The following ADGRL2 variants were observed in gnomAD, a reference collection of about 807,000 sequenced individuals.
ADGRL2 encodes the protein adhesion G protein-coupled receptor L2.
A neutral mutation model predicts 157.4 loss-of-function variants in ADGRL2; 44 were observed. That is an observed-to-expected ratio of 0.28 (90% CI 0.22 to 0.36). ADGRL2 has a LOEUF of 0.36. ADGRL2 is among the 10% of genes least tolerant of loss of function. ADGRL2 has a pLI of 1.00. For synonymous variants in ADGRL2, 585 were observed against 624.7 expected (o/e 0.94, Z 0.95); for missense variants, 1,510 against 1,768.9 (o/e 0.85, Z 2.63).
At chr1:81,608,920 C>A (rs1162997690) in intron 3 of ADGRL2, among the ~76,000 whole-genome samples, 2 of 152,116 alleles carry the variant, frequency 1.3e-5, no homozygotes, top group Admixed American at 6.5e-5. Flanking sequence ...ATCTCAGGCT[C>A]TGGTCAAGAC....
chr1:81,648,392 C>T (rs918704076), intron 3 of ADGRL2, among the ~76,000 whole-genome samples: 40 of 152,334 alleles, frequency 2.6e-4, no homozygotes, highest in Middle Eastern at 3.4e-3. Flanking sequence ...GGTGTGCTGC[C>T]TTCTGCTACC....
At chr1:81,827,184 T>C (rs776002005) in intron 1 of ADGRL2, among the ~76,000 whole-genome samples, 40 of 152,322 alleles carry the variant, frequency 2.6e-4, no homozygotes, top group Non-Finnish European at 1.0e-4. Context: ...ATGTTGGCCT[T>C]GTGGAACTTT....
At chr1:81,786,491 A>C (rs1158929420) in intron 2 of ADGRL2, among the ~76,000 whole-genome samples, 2 of 151,814 alleles carry the variant, frequency 1.3e-5, no homozygotes. Context: ...CATGAAAATC[A>C]CTTGAACCTG....
At chr1:81,511,565 C>G (rs900611115) in intron 2 of ADGRL2, among the ~76,000 whole-genome samples, 1 of 151,988 alleles carries the variant, frequency 6.6e-6, no homozygotes, top group Non-Finnish European at 1.5e-5. Context: ...TAACTTGCAC[C>G]TTTATTTTCT....
intron 2 of ADGRL2, among the ~76,000 whole-genome samples, chr1:81,782,408 A>T (rs1002682480): frequency 1.3e-5 from 2 of 152,212 alleles, no homozygotes; most frequent in Non-Finnish European, 2.9e-5. Flanking sequence ...CTAATGCCAG[A>T]ATTCATTTTT....
At chr1:81,961,267 G>A (rs1655275213) in intron 11 of ADGRL2, among the ~76,000 whole-genome samples, 1 of 152,056 alleles carries the variant, frequency 6.6e-6, no homozygotes, top group Non-Finnish European at 1.5e-5. Context: ...ACTCAGCTGA[G>A]CCACATATTG....
intron 1 of ADGRL2, among the ~76,000 whole-genome samples, chr1:81,406,556 TC>T (rs1397612493): frequency 2.0e-5 from 3 of 152,186 alleles, no homozygotes; most frequent in Non-Finnish European, 2.9e-5. Context: ...AACGCAGCCA[TC>T]CATCCAGCCT....
intron 3 of ADGRL2, among the ~76,000 whole-genome samples, chr1:81,590,800 T>A (rs991007845): frequency 1.3e-5 from 2 of 152,248 alleles, no homozygotes; most frequent in South Asian, 4.1e-4. Flanking sequence ...GACCCATTAC[T>A]TTTTCCAAGC....
intron 3 of ADGRL2, among the ~76,000 whole-genome samples, chr1:81,920,210 C>T (rs1187090948): frequency 6.6e-6 from 1 of 152,098 alleles, no homozygotes; most frequent in Non-Finnish European, 1.5e-5. Context: ...TTAAGGTTCA[C>T]TGCTCTATAG....
chr1:81,595,418 A>G (rs1570595534), intron 3 of ADGRL2, among the ~76,000 whole-genome samples: 1 of 152,194 alleles, frequency 6.6e-6, no homozygotes, highest in African/African-American at 2.4e-5. Context: ...TTTGCAGGAC[A>G]TAAGTTGTGA....
intron 3 of ADGRL2, among the ~76,000 whole-genome samples, chr1:81,641,281 G>A (rs2082214476): frequency 6.6e-6 from 1 of 152,088 alleles, no homozygotes; most frequent in Admixed American, 6.6e-5. Flanking sequence ...AATCAGTAGG[G>A]GTTTTCAGGA....
chr1:81,749,059 T>G (rs1275424846), intron 1 of ADGRL2, among the ~76,000 whole-genome samples: 1 of 152,196 alleles, frequency 6.6e-6, no homozygotes, highest in African/African-American at 2.4e-5. Flanking sequence ...AAAAATAGAT[T>G]TTAAAATTAT....
chr1:81,358,893 G>T (rs2075920342), intron 1 of ADGRL2, among the ~76,000 whole-genome samples: 1 of 152,036 alleles, frequency 6.6e-6, no homozygotes. Flanking sequence ...CTACTCCGTA[G>T]GATGAAGGAA....
intron 2 of ADGRL2, among the ~76,000 whole-genome samples, chr1:81,895,393 C>CTTTTTTTTTT (rs34557038): frequency 3.1e-5 from 3 of 97,590 alleles, no homozygotes; most frequent in Non-Finnish European, 5.6e-5. Context: ...TTAAATGTAT[C>CTTTTTTTTTT]TTTTTTTTTT....
intron 1 of ADGRL2, among the ~76,000 whole-genome samples, chr1:81,331,141 G>A (rs779246770): frequency 2.6e-5 from 4 of 152,060 alleles, no homozygotes; most frequent in Non-Finnish European, 5.9e-5. Context: ...CTGATGGAAA[G>A]GGAATTTTTC....
intron 3 of ADGRL2, among the ~76,000 whole-genome samples, chr1:81,618,569 C>A (rs1042185202): frequency 6.6e-6 from 1 of 152,074 alleles, no homozygotes; most frequent in Non-Finnish European, 1.5e-5. Context: ...GTTCATTGTA[C>A]CAAGAAATTC....
intron 2 of ADGRL2, among the ~76,000 whole-genome samples, chr1:81,887,660 C>T (rs918151504): frequency 6.6e-6 from 1 of 152,126 alleles, no homozygotes; most frequent in African/African-American, 2.4e-5. Flanking sequence ...ACATGTAGCT[C>T]TTCCTTAAGT....
intron 1 of ADGRL2, among the ~76,000 whole-genome samples, chr1:81,398,544 C>T (rs899253146): frequency 2.0e-5 from 3 of 152,068 alleles, no homozygotes; most frequent in African/African-American, 4.8e-5. Context: ...ATATGTAGGA[C>T]TGTCTTAAGC....
chr1:81,472,055 C>T (rs2078183107), intron 2 of ADGRL2, among the ~76,000 whole-genome samples: 1 of 152,060 alleles, frequency 6.6e-6, no homozygotes, highest in African/African-American at 2.4e-5. Context: ...TTTTGAAGCA[C>T]CATACCAGTA....
Sources: allele counts gnomAD v4.1 joint callset (sites outside exome capture counted in the v4.1 genomes callset), GRCh38; gene constraint gnomAD v4.1.1; transcripts MANE v1.5; gene names NCBI Gene and HGNC (gene_info 2026-07-23, HGNC 2026-07-21).